Variants in TMEM178B observed in about 807,000 individuals in gnomAD.
TMEM178B encodes transmembrane protein 178B.
A neutral mutation model predicts 31.0 loss-of-function variants in TMEM178B; 5 were observed. The ratio of observed to expected loss-of-function variants is 0.16; its 90% CI spans 0.08 to 0.34. TMEM178B has a LOEUF of 0.34. TMEM178B is among the 10% of genes least tolerant of loss of function. The pLI is 1.00. For synonymous variants in TMEM178B, 164 were observed against 164.0 expected (o/e 1.00, Z 0.00); for missense variants, 275 against 400.3 (o/e 0.69, Z 2.67).
chr7:141,308,544 A>G (rs1036048996), intron 2 of TMEM178B, among the ~76,000 whole-genome samples: 2 of 152,132 alleles, frequency 1.3e-5, no homozygotes, highest in African/African-American at 4.8e-5. Flanking sequence ...GATTACAGGC[A>G]TGAGCCACTG....
rs558968512 is a variant in TMEM178B at position 141,239,901 on chromosome 7, G to A, written c.496+27197G>A. Among the ~76,000 whole-genome samples the A allele has an allele frequency of 4.6e-5, 7 of 152,138 alleles. No individual in the cohort carries two copies. In the South Asian group the frequency reaches 6.2e-4, roughly 14 times the overall value. On this transcript the variant is annotated intron_variant, in intron 2 of 3. Transcript: ENST00000565468. ...GAAGTTGGTCACTTGAGCACTGTCC[G>A]GTAGAAACAGAACATAAGCCACAGA...
At chr7:141,358,103 T>C (rs1799852028) in intron 2 of TMEM178B, among the ~76,000 whole-genome samples, 1 of 152,210 alleles carries the variant, frequency 6.6e-6, no homozygotes. Context: ...AAAGGAAAGG[T>C]AGGCCTTTCT....
At chr7:141,099,794 C>T (rs1051234430) in intron 1 of TMEM178B, among the ~76,000 whole-genome samples, 5 of 151,556 alleles carry the variant, frequency 3.3e-5, no homozygotes, top group Admixed American at 2.6e-4. Context: ...GTCACTGGCC[C>T]CTTTGGAGCT....
intron 2 of TMEM178B, among the ~76,000 whole-genome samples, chr7:141,311,225 G>A (rs765018826): frequency 1.3e-5 from 2 of 152,174 alleles, no homozygotes; most frequent in Non-Finnish European, 2.9e-5. Flanking sequence ...GGGTTGATGG[G>A]TGCAGCAAAC....
intron 1 of TMEM178B, among the ~76,000 whole-genome samples, chr7:141,103,984 A>G (rs1473277620): frequency 1.3e-5 from 2 of 152,174 alleles, no homozygotes; most frequent in South Asian, 2.1e-4. Flanking sequence ...GTCACTGGGT[A>G]TCATTTGAAA....
chr7:141,144,324 T>C lies in TMEM178B; in HGVS notation c.383-68267T>C, dbSNP rs181502157. 1.1e-3 allele frequency among the ~76,000 whole-genome samples: 168 copies of C among 152,366 alleles called. 1 individual carries two copies. Among genetic ancestry groups the C allele is most frequent in the African/African-American group, 3.9e-3 (163 of 41,586 alleles). On this transcript the variant is annotated intron_variant, in intron 1 of 3. Transcript: ENST00000565468. ...AGTATTGCTTTCTGTAGGTGAGATATCTGGCTGGTATTTATTTTATTTTAT... is the reference window on the plus strand; with the variant it reads ...AGTATTGCTTTCTGTAGGTGAGATACCTGGCTGGTATTTATTTTATTTTAT...
chr7:141,339,377 G>A (rs1208442936), intron 2 of TMEM178B, among the ~76,000 whole-genome samples: 1 of 152,160 alleles, frequency 6.6e-6, no homozygotes, highest in Non-Finnish European at 1.5e-5. Flanking sequence ...TGGGGCATGT[G>A]GAGCTCAGCA....
intron 2 of TMEM178B, among the ~76,000 whole-genome samples, chr7:141,235,130 C>T (rs1396664414): frequency 6.6e-6 from 1 of 152,230 alleles, no homozygotes; most frequent in Non-Finnish European, 1.5e-5. Flanking sequence ...GGCGAATGGG[C>T]TTCCGTCGAC....
intron 1 of TMEM178B, among the ~76,000 whole-genome samples, chr7:141,203,354 G>T (rs1018342338): frequency 1.3e-5 from 2 of 152,140 alleles, no homozygotes; most frequent in South Asian, 4.1e-4. Flanking sequence ...GTGAGACAGC[G>T]TCAAGTCCTA....
chr7:141,391,420 A>G (rs1374302904), intron 2 of TMEM178B, among the ~76,000 whole-genome samples: 2 of 152,142 alleles, frequency 1.3e-5, no homozygotes, highest in African/African-American at 4.8e-5. Flanking sequence ...TCGGCATCCC[A>G]AAGTGCTGGG....
chr7:141,290,599 GCA>G (rs1217554982), intron 2 of TMEM178B, among the ~76,000 whole-genome samples: 1 of 152,052 alleles, frequency 6.6e-6, no homozygotes, highest in South Asian at 2.1e-4. Flanking sequence ...GTAAACACAT[GCA>G]CACACACGCG....
At chr7:141,425,955 T>C (rs938615196) in intron 2 of TMEM178B, among the ~76,000 whole-genome samples, 1 of 152,136 alleles carries the variant, frequency 6.6e-6, no homozygotes, top group African/African-American at 2.4e-5. Flanking sequence ...AGTGCAGAAA[T>C]GTCTGTTGGG....
At chr7:141,315,729 C>A (rs13245084) in intron 2 of TMEM178B, among the ~76,000 whole-genome samples, 179 of 152,226 alleles carry the variant, frequency 1.2e-3, no homozygotes, top group Non-Finnish European at 2.0e-3. Context: ...CCTCTTGTGT[C>A]CCGCTTATTA....
intron 1 of TMEM178B, among the ~76,000 whole-genome samples, chr7:141,080,818 T>C (rs576577907): frequency 6.6e-6 from 1 of 152,308 alleles, no homozygotes; most frequent in Admixed American, 6.5e-5. Flanking sequence ...AAGGTTATCA[T>C]GGAGCTGAAA....
intron 2 of TMEM178B, among the ~76,000 whole-genome samples, chr7:141,424,798 A>T (rs1302085760): frequency 1.3e-5 from 2 of 152,218 alleles, no homozygotes; most frequent in African/African-American, 2.4e-5. Flanking sequence ...CTTGTGCATT[A>T]TTCTTCATTT....
intron 1 of TMEM178B, among the ~76,000 whole-genome samples, chr7:141,137,913 T>C (rs1795701143): frequency 6.6e-6 from 1 of 152,192 alleles, no homozygotes; most frequent in African/African-American, 2.4e-5. Context: ...TAGTTGTCCA[T>C]GTTGTATGAT....
chr7:141,074,588 C>T lies in TMEM178B; in HGVS notation c.278C>T (p.Pro93Leu), dbSNP rs760073277. The T allele has an allele frequency of 5.2e-6, 8 of 1,535,776 alleles. No homozygotes were observed. In the South Asian group the frequency reaches 8.3e-5, roughly 16 times the overall value. The part of the protein sequence containing the change: ...RNRRQLFAMS[P>L]ADECSRQYNS... ...CGCCGGCAGCTGTTCGCCATGAGCCCCGCGGACGAGTGCAGCCGGCAGTAC... is the reference window on the plus strand; with the variant it reads ...CGCCGGCAGCTGTTCGCCATGAGCCTCGCGGACGAGTGCAGCCGGCAGTAC... Residue 93 changes from proline to leucine, a missense_variant, in exon 1 of 4, where the codon CCC becomes CTC. Physicochemically the swap from Pro to Leu is moderately conservative, Grantham distance 98. Transcript: ENST00000565468. This position sits in a 1 kb window ranked among gnomAD's most constrained non-coding sequence, Gnocchi z 5.1.
At chr7:141,299,822 G>C (rs1174660365) in intron 2 of TMEM178B, among the ~76,000 whole-genome samples, 1 of 152,140 alleles carries the variant, frequency 6.6e-6, no homozygotes, top group Admixed American at 6.5e-5. Flanking sequence ...GTCTTGCTCT[G>C]TCACCCAGGT....
the TMEM178B span, among the ~76,000 whole-genome samples, chr7:141,490,321 A>C: frequency 6.6e-6 from 1 of 152,220 alleles, no homozygotes; most frequent in Non-Finnish European, 1.5e-5. Flanking sequence ...AAGATGAAGT[A>C]ATTAGACTTG....
Sources: gnomAD v4.1 joint callset for allele counts (sites outside exome capture counted in the v4.1 genomes callset) on GRCh38, gnomAD v4.1.1 for gene constraint, Gnocchi (gnomAD v3.1) non-coding constraint, MANE v1.5 for transcripts, NCBI Gene and HGNC (gene_info 2026-07-23, HGNC 2026-07-21) for gene names.